MAGI1: variants seen among roughly 807,000 people sequenced by gnomAD.
MAGI1 encodes the protein membrane-associated guanylate kinase, WW and PDZ domain-containing protein 1.
MAGI1 carries 58 observed loss-of-function variants against 139.9 expected under a neutral mutation model. The ratio of observed to expected loss-of-function variants is 0.41; its 90% CI spans 0.34 to 0.52. The LOEUF (loss-of-function observed/expected upper bound fraction) is 0.52. MAGI1 is among the 20% of genes least tolerant of loss of function. MAGI1 has a pLI of 0.12. For missense variants in MAGI1, 1,874 were observed against 1,901.6 expected (o/e 0.99, Z 0.27); for synonymous variants, 812 against 737.9 (o/e 1.10, Z -1.63).
At chr3:65,723,461 C>T (rs1273714951) in intron 1 of MAGI1, among the ~76,000 whole-genome samples, 2 of 152,170 alleles carry the variant, frequency 1.3e-5, no homozygotes, top group African/African-American at 4.8e-5. Context: ...CAAGAGCCAT[C>T]TCTTGGCACC....
intron 2 of MAGI1, among the ~76,000 whole-genome samples, chr3:65,502,580 G>A (rs922159828): frequency 6.6e-6 from 1 of 152,178 alleles, no homozygotes; most frequent in East Asian, 1.9e-4. Context: ...AACATAACAA[G>A]AACTGTCTGG....
intron 2 of MAGI1, among the ~76,000 whole-genome samples, chr3:65,589,984 G>C (rs766005798): frequency 6.6e-6 from 1 of 152,008 alleles, no homozygotes; most frequent in Non-Finnish European, 1.5e-5. Flanking sequence ...CACACTCAAC[G>C]ATCCATGACT....
intron 1 of MAGI1, among the ~76,000 whole-genome samples, chr3:65,912,423 G>GTAAT (rs2061710360): frequency 6.6e-6 from 1 of 152,100 alleles, no homozygotes; most frequent in Non-Finnish European, 1.5e-5. Context: ...ATTCACACAT[G>GTAAT]GATCATTACG....
At chr3:65,905,893 G>C (rs1018443136) in intron 1 of MAGI1, among the ~76,000 whole-genome samples, 1 of 152,274 alleles carries the variant, frequency 6.6e-6, no homozygotes, top group East Asian at 1.9e-4. Context: ...CTTTTCATCT[G>C]ACAGATTTTT....
chr3:65,398,362 A>G (rs1944561353), intron 13 of MAGI1, among the ~76,000 whole-genome samples: 1 of 152,106 alleles, frequency 6.6e-6, no homozygotes, highest in Non-Finnish European at 1.5e-5. Flanking sequence ...TTAGCCAGGC[A>G]TGGTGGTGCA....
chr3:65,600,938 G>A lies in MAGI1; in HGVS notation c.430+21034C>T, dbSNP rs111409544. Among the ~76,000 whole-genome samples the A allele has an allele frequency of 1.8e-3, 272 of 152,264 alleles. 1 individual carries two copies. The highest frequency in any genetic ancestry group is 5.8e-3 in the African/African-American group (243 of 41,540). On this transcript the variant is annotated intron_variant, in intron 2 of 22. Coordinates refer to ENST00000402939, the MANE Select transcript of MAGI1 (RefSeq NM_001033057.2). ...TGGCTTTCTCAGTGTGAACCACTGG[G>A]CAAACTTGACCTTACAATGACTCTA...
At position 65,910,855 on chromosome 3, in the gene MAGI1, C is replaced by CATTTTTTTTTTTT. The variant is rs755783850; in HGVS notation, c.313+127140_313+127141insAAAAAAAAAAAAT. Among the ~76,000 whole-genome samples, 16 of 59,480 alleles carry CATTTTTTTTTTTT rather than the reference C, an allele frequency of 2.7e-4. 2 individuals carry two copies. In the East Asian group the frequency reaches 0.01, roughly 39 times the overall value. The allele number at this position is 59,480 out of a possible 152,430, so 39.0% of individuals were successfully genotyped here. ...TGAGGCCTCTTTCAGACATGGTGGA[C>CATTTTTTTTTTTT]TTTTTTTTTTTTTTTTTTTTGAGAT... On this transcript the variant is annotated intron_variant, in intron 1 of 22. Coordinates refer to ENST00000402939, the MANE Select transcript of MAGI1 (RefSeq NM_001033057.2).
chr3:65,405,133 C>A (rs571570436), intron 12 of MAGI1, among the ~76,000 whole-genome samples: 1 of 152,242 alleles, frequency 6.6e-6, no homozygotes. Flanking sequence ...AAAACTATTC[C>A]AGGGAAGTGT....
chr3:65,772,089 G>A (rs1339329244), intron 1 of MAGI1, among the ~76,000 whole-genome samples: 2 of 152,076 alleles, frequency 1.3e-5, no homozygotes, highest in Non-Finnish European at 2.9e-5. Flanking sequence ...TAATCCCAGG[G>A]AGAGGGTGAG....
intron 1 of MAGI1, among the ~76,000 whole-genome samples, chr3:65,923,295 G>A (rs920695231): frequency 6.2e-5 from 9 of 144,282 alleles, no homozygotes; most frequent in African/African-American, 1.8e-4. Context: ...GTGTGATCTC[G>A]GCTCACTGCA....
At chr3:65,358,617 G>T (rs1020640497) in intron 22 of MAGI1, among the ~76,000 whole-genome samples, 1 of 152,126 alleles carries the variant, frequency 6.6e-6, no homozygotes, top group Non-Finnish European at 1.5e-5. Flanking sequence ...AGTAATGGGC[G>T]TGCCTATGTG....
chr3:65,574,068 C>G (rs887148106), intron 2 of MAGI1, among the ~76,000 whole-genome samples: 3 of 151,902 alleles, frequency 2.0e-5, no homozygotes, highest in African/African-American at 7.2e-5. Flanking sequence ...AATAAAACTA[C>G]TGGGAGTAAT....
Position 65,375,762 on chromosome 3 carries a change from C to T in MAGI1, c.3179G>A (p.Arg1060His), listed in dbSNP as rs768689132. 60 of 1,612,596 alleles carry T rather than the reference C, an allele frequency of 3.7e-5. No homozygotes were observed. The highest frequency in any genetic ancestry group is 1.8e-4 in the East Asian group (8 of 44,878). ...TACTTTACCATCCCCAGGAATGATG[C>T]GGAGGGTAACTGTGTTTCCCGCTTC... ...IKEAGNTVTL[R>H]IIPGDESSNA... is the part of the protein sequence containing the mutation. Residue 1060 changes from arginine (R) to histidine (H), a missense_variant, in exon 18 of 23, where the codon CGC becomes CAC. Arg to His is a conservative substitution (Grantham distance 29). Coordinates refer to ENST00000402939, the MANE Select transcript of MAGI1 (RefSeq NM_001033057.2).
At chr3:65,791,523 A>G (rs2039769944) in intron 1 of MAGI1, among the ~76,000 whole-genome samples, 1 of 152,228 alleles carries the variant, frequency 6.6e-6, no homozygotes, top group Non-Finnish European at 1.5e-5. Flanking sequence ...GAGGGTATAC[A>G]GTTACATATT....
At chr3:65,608,043 A>AT in intron 2 of MAGI1, among the ~76,000 whole-genome samples, 1 of 152,266 alleles carries the variant, frequency 6.6e-6, no homozygotes, top group Admixed American at 6.5e-5. Context: ...GAAGCAGCTC[A>AT]AAAAGGTTAG....
In MAGI1 at chr3:65,976,569, T is replaced by G. The variant is rs182724919; in HGVS notation, c.313+61427A>C. Among the ~76,000 whole-genome samples, 534 of 152,276 alleles carry G rather than the reference T, an allele frequency of 3.5e-3. 4 individuals carry two copies. Among genetic ancestry groups the G allele is most frequent in the South Asian group, 0.01 (50 of 4,828 alleles). ...TCACTTGAACCTGGGAGGCAGAGGTTGCAGTGAGCCAAGATGGCACCACTG... is the reference window on the plus strand; with the variant it reads ...TCACTTGAACCTGGGAGGCAGAGGTGGCAGTGAGCCAAGATGGCACCACTG... On this transcript the variant is annotated intron_variant, in intron 1 of 22. Coordinates refer to ENST00000402939, the MANE Select transcript of MAGI1 (RefSeq NM_001033057.2).
chr3:65,370,077 C>CA (rs1397927846), intron 18 of MAGI1, among the ~76,000 whole-genome samples: 2 of 152,168 alleles, frequency 1.3e-5, no homozygotes, highest in Admixed American at 6.6e-5. Flanking sequence ...TGGGGGTTTG[C>CA]AAAATCCTCC....
chr3:65,785,435 TTA>T (rs1382010261), intron 1 of MAGI1, among the ~76,000 whole-genome samples: 1 of 152,156 alleles, frequency 6.6e-6, no homozygotes, highest in Non-Finnish European at 1.5e-5. Context: ...AAATCATGAC[TTA>T]TACACAGATA....
intron 18 of MAGI1, among the ~76,000 whole-genome samples, chr3:65,366,831 A>G (rs958560795): frequency 6.6e-6 from 1 of 152,228 alleles, no homozygotes; most frequent in Admixed American, 6.5e-5. Context: ...TAATGTTAAA[A>G]GCATATTGTT....
Sources: allele counts gnomAD v4.1 joint callset (sites outside exome capture counted in the v4.1 genomes callset), GRCh38; gene constraint gnomAD v4.1.1; transcripts MANE v1.5; gene names NCBI Gene and HGNC (gene_info 2026-07-23, HGNC 2026-07-21).